Variants in SH3RF3 observed in about 807,000 individuals in gnomAD.
SH3RF3 encodes E3 ubiquitin-protein ligase SH3RF3.
Under a neutral mutation model 66.3 loss-of-function variants are expected in SH3RF3, and 29 were observed. The observed-to-expected ratio is 0.44, with a 90% CI of 0.33 to 0.60. The LOEUF (loss-of-function observed/expected upper bound fraction) is 0.60, where lower values mean the gene tolerates loss of function less well. Ranked by LOEUF, SH3RF3 falls within the 20% of genes least tolerant of loss-of-function variation. The pLI is 0.04. For synonymous variants in SH3RF3, 583 were observed against 532.0 expected, an observed-to-expected ratio of 1.10 and a Z score of -1.32; for missense variants, 1,194 against 1,190.9, an observed-to-expected ratio of 1.00 and a Z score of -0.04.
intron 1 of SH3RF3, among the ~76,000 whole-genome samples, chr2:109,345,797 G>A (rs1481789802): frequency 1.3e-5 from 2 of 152,172 alleles, no homozygotes; most frequent in Non-Finnish European, 2.9e-5. Context: ...GCTGGGCCAG[G>A]GTTTCTTAAC....
intron 1 of SH3RF3, among the ~76,000 whole-genome samples, chr2:109,277,543 G>A (rs1017100033): frequency 6.6e-6 from 1 of 152,288 alleles, no homozygotes; most frequent in African/African-American, 2.4e-5. Context: ...GCGCTGGTCC[G>A]TTGAAAGTGC....
intron 1 of SH3RF3, among the ~76,000 whole-genome samples, chr2:109,345,763 T>C (rs1682678280): frequency 2.0e-5 from 3 of 152,222 alleles, no homozygotes; most frequent in Admixed American, 6.5e-5. Flanking sequence ...TTACTCTGTC[T>C]TTTTTGTAAA....
intron 3 of SH3RF3, among the ~76,000 whole-genome samples, chr2:109,378,502 C>G (rs1334216880): frequency 6.6e-6 from 1 of 152,132 alleles, no homozygotes; most frequent in Non-Finnish European, 1.5e-5. Context: ...TCTGAGGCAC[C>G]CTCCTTTTTC....
intron 1 of SH3RF3, among the ~76,000 whole-genome samples, chr2:109,275,819 C>T (rs1574544921): frequency 6.6e-6 from 1 of 152,162 alleles, no homozygotes; most frequent in Non-Finnish European, 1.5e-5. Flanking sequence ...GAAGCGTTCG[C>T]GGGGAGCTGG....
intron 1 of SH3RF3, among the ~76,000 whole-genome samples, chr2:109,199,997 G>T (rs1678629738): frequency 6.6e-6 from 1 of 152,024 alleles, no homozygotes; most frequent in African/African-American, 2.4e-5. Context: ...CAGCTAAGGT[G>T]GGGTGGGTGC....
At chr2:109,500,523 G>A (rs1397599800) in intron 9 of SH3RF3, among the ~76,000 whole-genome samples, 1 of 152,224 alleles carries the variant, frequency 6.6e-6, no homozygotes, top group Non-Finnish European at 1.5e-5. Context: ...CTCAGAGGCT[G>A]CAGGGGGCCC....
chr2:109,495,570 C>G (rs1193341025), intron 9 of SH3RF3, among the ~76,000 whole-genome samples: 1 of 145,020 alleles, frequency 6.9e-6, no homozygotes, highest in Non-Finnish European at 1.5e-5. Flanking sequence ...CCCACTGCAA[C>G]CTCCGCCTCC....
intron 1 of SH3RF3, among the ~76,000 whole-genome samples, chr2:109,228,218 TA>T (rs1411276046): frequency 2.0e-5 from 3 of 152,156 alleles, no homozygotes; most frequent in Non-Finnish European, 2.9e-5. Flanking sequence ...GCAGCCCTCC[TA>T]GTCCCCAGGA....
intron 3 of SH3RF3, among the ~76,000 whole-genome samples, chr2:109,392,944 A>G (rs1020605309): frequency 6.6e-6 from 1 of 152,178 alleles, no homozygotes; most frequent in Admixed American, 6.5e-5. Context: ...AGGGCGAAGG[A>G]ACCAGTGTCA....
At chr2:109,463,051 T>G (rs1573272390) in intron 8 of SH3RF3, among the ~76,000 whole-genome samples, 2 of 152,212 alleles carry the variant, frequency 1.3e-5, no homozygotes, top group Non-Finnish European at 2.9e-5. Context: ...CTGGGGTCTT[T>G]CCTCAAGAAG....
chr2:109,384,307 T>C (rs1312888095), intron 3 of SH3RF3, among the ~76,000 whole-genome samples: 1 of 152,046 alleles, frequency 6.6e-6, no homozygotes, highest in African/African-American at 2.4e-5. Flanking sequence ...GGGATTCTAC[T>C]CTCCGTGGAG....
chr2:109,410,010 C>T (rs11684909), intron 4 of SH3RF3, among the ~76,000 whole-genome samples: 78,388 of 151,962 alleles, frequency 0.52, 20,492 homozygotes, highest in Middle Eastern at 0.57. Context: ...TCGGAGCCCC[C>T]GTACAGCCTG....
Position 109,130,085 on chromosome 2 carries a change from C to T in SH3RF3, c.545C>T (p.Ala182Val), listed in dbSNP as rs1676652075. 5.9e-6 allele frequency: 8 copies of T among 1,363,274 alleles called. No homozygotes were observed. Among genetic ancestry groups the T allele is most frequent in the Admixed American group, 3.5e-5 (1 of 28,736 alleles). The allele number at this position is 1,363,274 out of a possible 1,614,324, so 84.4% of individuals were successfully genotyped here. A position where few individuals can be genotyped will look rare whatever the true frequency, so the allele number is the denominator to read the frequency against. ...GSTAGSLREL[A>V]TSRTAPAAKN... ...ACCGCCGGCAGTCTGCGGGAGCTGG[C>T]GACCAGCAGGACCGCGCCGGCGGCA... The change falls in exon 1 of 10, where the codon GCG (alanine) becomes GTG (valine). Residue 182 changes from alanine to valine, a missense_variant. Physicochemically the swap from Ala to Val is moderately conservative, Grantham distance 64. Transcript: ENST00000309415.
chr2:109,450,124 T>C (rs1573261495), intron 8 of SH3RF3, among the ~76,000 whole-genome samples: 1 of 152,148 alleles, frequency 6.6e-6, no homozygotes, highest in South Asian at 2.1e-4. Context: ...GGCGGGCGGA[T>C]CACCTGAGGT....
intron 2 of SH3RF3, among the ~76,000 whole-genome samples, chr2:109,368,355 A>G (rs776127149): frequency 1.8e-4 from 28 of 152,190 alleles, no homozygotes; most frequent in Non-Finnish European, 3.2e-4. Context: ...TTAAACATCT[A>G]TTCATATTTT....
At chr2:109,424,248 C>A (rs1676971535) in intron 5 of SH3RF3, among the ~76,000 whole-genome samples, 1 of 152,132 alleles carries the variant, frequency 6.6e-6, no homozygotes, top group Non-Finnish European at 1.5e-5. Flanking sequence ...CCAGCGCTGG[C>A]TTCAGGCTGC....
At chr2:109,146,544 G>A (rs2104852383) in intron 1 of SH3RF3, among the ~76,000 whole-genome samples, 1 of 152,144 alleles carries the variant, frequency 6.6e-6, no homozygotes, top group South Asian at 2.1e-4. Context: ...TTCTGTTTAG[G>A]ATCCAAGAAG....
intron 5 of SH3RF3, among the ~76,000 whole-genome samples, chr2:109,429,060 C>T (rs1049275627): frequency 5.3e-5 from 8 of 152,270 alleles, no homozygotes; most frequent in Middle Eastern, 3.4e-3. Context: ...GGGTAACAGG[C>T]GATGCCACTG....
intron 1 of SH3RF3, among the ~76,000 whole-genome samples, chr2:109,187,470 G>A (rs917458015): frequency 6.6e-6 from 1 of 152,040 alleles, no homozygotes; most frequent in South Asian, 2.1e-4. Context: ...GTTGACAATT[G>A]CATATACTGT....
Sources: gnomAD v4.1 joint callset for allele counts (sites outside exome capture counted in the v4.1 genomes callset) on GRCh38, gnomAD v4.1.1 for gene constraint, MANE v1.5 for transcripts, NCBI Gene and HGNC (gene_info 2026-07-23, HGNC 2026-07-21) for gene names.